The following TMEM238L variants were observed in gnomAD, a reference collection of about 807,000 sequenced individuals.
The protein encoded by TMEM238L is transmembrane protein 238 like.
Position 10,800,033 on chromosome 17 carries a change from G to A in TMEM238L, c.*118+3573C>T, listed in dbSNP as rs928409920. Among the ~76,000 whole-genome samples the A allele has an allele frequency of 4.6e-5, 7 of 151,756 alleles. No homozygotes were observed. The East Asian group carries it at 5.9e-4, about 13-fold the overall frequency. The stretch of plus-strand genomic sequence containing the variant: ...TGCAAGCTCCGCCTCCCGGGTCCAC[G>A]CCATTCTCCTGCCTCAGCCTCCCAA... On this transcript the variant is annotated intron_variant, in intron 1 of 1. Transcript: ENST00000581851.
chr17:10,804,020 G>A (rs899504698), exon 1 of TMEM238L: 58 of 401,052 alleles, frequency 1.4e-4, no homozygotes, highest in African/African-American at 1.1e-3. Flanking sequence ...TTGCATGGGA[G>A]GGTGGCGGTC....
intron 1 of TMEM238L, among the ~76,000 whole-genome samples, chr17:10,800,051 C>A (rs1355602833): frequency 6.6e-6 from 1 of 152,116 alleles, no homozygotes; most frequent in Non-Finnish European, 1.5e-5. Context: ...CCTGCCTCAG[C>A]CTCCCAAGTA....
intron 1 of TMEM238L, among the ~76,000 whole-genome samples, chr17:10,800,786 G>C (rs1904713652): frequency 6.6e-6 from 1 of 152,178 alleles, no homozygotes; most frequent in Admixed American, 6.5e-5. Flanking sequence ...CTGGATTCAA[G>C]CCAGAGTCTA....
intron 1 of TMEM238L, 134 bp from the exon 2 acceptor site, chr17:10,796,082 A>G (rs1904531882): frequency 6.6e-6 from 1 of 152,222 alleles, no homozygotes; most frequent in Non-Finnish European, 1.5e-5. Context: ...CAGCCTCTCC[A>G]TGGCACTGTT....
At chr17:10,801,472 C>G (rs1021828926) in intron 1 of TMEM238L, among the ~76,000 whole-genome samples, 1 of 152,190 alleles carries the variant, frequency 6.6e-6, no homozygotes, top group East Asian at 1.9e-4. Flanking sequence ...CTTCAATCTC[C>G]CTGTCGTCTT....
At chr17:10,803,900 C>T (rs574640627) in exon 1 of TMEM238L, 14 of 399,658 alleles carry the variant, frequency 3.5e-5, no homozygotes, top group Non-Finnish European at 6.2e-5. Context: ...AGCAGGAGGG[C>T]GAGGATGAGG....
chr17:10,800,151 T>G (rs1005290900), intron 1 of TMEM238L, among the ~76,000 whole-genome samples: 25 of 151,924 alleles, frequency 1.6e-4, no homozygotes, highest in African/African-American at 5.6e-4. Flanking sequence ...CCAGGATGGT[T>G]TCGATCTCCT....
At chr17:10,799,015 G>A (rs563848428) in intron 1 of TMEM238L, among the ~76,000 whole-genome samples, 4 of 151,528 alleles carry the variant, frequency 2.6e-5, no homozygotes, top group African/African-American at 7.3e-5. Flanking sequence ...TCAGCCACTC[G>A]CCCTGAAACT....
At chr17:10,800,725 C>T (rs540167383) in intron 1 of TMEM238L, among the ~76,000 whole-genome samples, 3 of 152,240 alleles carry the variant, frequency 2.0e-5, no homozygotes, top group East Asian at 3.9e-4. Flanking sequence ...TAATGGGGCA[C>T]GGAGAGGTGA....
intron 1 of TMEM238L, among the ~76,000 whole-genome samples, chr17:10,797,381 T>TCCC (rs1904590503): frequency 1.2e-5 from 1 of 85,834 alleles, no homozygotes; most frequent in African/African-American, 5.8e-5. Context: ...CCCTCCCTCC[T>TCCC]TCCCTCCCTC....
chr17:10,799,744 A>T (rs921607397), intron 1 of TMEM238L, among the ~76,000 whole-genome samples: 6 of 152,218 alleles, frequency 3.9e-5, no homozygotes, highest in Admixed American at 2.6e-4. Flanking sequence ...ACTTGTGTTC[A>T]TGTAAAGTCT....
chr17:10,802,997 G>A (rs1904792541), intron 1 of TMEM238L, among the ~76,000 whole-genome samples: 2 of 152,118 alleles, frequency 1.3e-5, no homozygotes, highest in South Asian at 4.1e-4. Context: ...GTGAGTGAGG[G>A]TGGGGTGGGA....
intron 1 of TMEM238L, among the ~76,000 whole-genome samples, chr17:10,796,177 T>A (rs1904536530): frequency 6.6e-6 from 1 of 152,222 alleles, no homozygotes; most frequent in Non-Finnish European, 1.5e-5. Context: ...CACAGAGTTG[T>A]AAGCACTGAA....
chr17:10,801,679 C>A (rs1242341758), intron 1 of TMEM238L, among the ~76,000 whole-genome samples: 2 of 152,120 alleles, frequency 1.3e-5, no homozygotes, highest in Non-Finnish European at 2.9e-5. Context: ...CTAGAGCAGA[C>A]CTGACTTTGT....
At chr17:10,796,924 G>T (rs1290391059) in intron 1 of TMEM238L, among the ~76,000 whole-genome samples, 1 of 152,198 alleles carries the variant, frequency 6.6e-6, no homozygotes, top group Non-Finnish European at 1.5e-5. Flanking sequence ...AGGCTCTGCA[G>T]GCCACATAGT....
At chr17:10,800,802 G>T (rs1045113708) in intron 1 of TMEM238L, among the ~76,000 whole-genome samples, 8 of 152,164 alleles carry the variant, frequency 5.3e-5, no homozygotes, top group African/African-American at 1.9e-4. Context: ...GTCTAGGTAT[G>T]GCCCATGCTC....
intron 1 of TMEM238L, among the ~76,000 whole-genome samples, chr17:10,798,628 T>C (rs538952997): frequency 2.0e-5 from 3 of 152,228 alleles, no homozygotes; most frequent in African/African-American, 7.2e-5. Context: ...TGTGTGTTTC[T>C]GGGTGTGTGT....
At chr17:10,802,811 C>CT (rs1390560051) in intron 1 of TMEM238L, among the ~76,000 whole-genome samples, 2 of 152,220 alleles carry the variant, frequency 1.3e-5, no homozygotes, top group Non-Finnish European at 2.9e-5. Context: ...CCAGACCACT[C>CT]TATCTCTGGG....
intron 1 of TMEM238L, among the ~76,000 whole-genome samples, chr17:10,802,767 A>G (rs937666915): frequency 3.3e-5 from 5 of 152,074 alleles, no homozygotes; most frequent in African/African-American, 1.2e-4. Context: ...TCCCCTGGAG[A>G]CAGCTGTCCA....
Sources: allele counts gnomAD v4.1 joint callset (sites outside exome capture counted in the v4.1 genomes callset), GRCh38; gene constraint gnomAD v4.1.1; transcripts MANE v1.5; gene names NCBI Gene and HGNC (gene_info 2026-07-23, HGNC 2026-07-21).